CXXC4: variants seen among roughly 807,000 people sequenced by gnomAD.
CXXC4 encodes the protein CXXC finger protein 4, also known as CXXC-type zinc finger protein 4.
Under a neutral mutation model 20.5 loss-of-function variants are expected in CXXC4, and 5 were observed. The observed-to-expected ratio is 0.24, with a 90% confidence interval of 0.13 to 0.51. The LOEUF is 0.51. CXXC4 is among the 20% of genes least tolerant of loss of function. The pLI, the probability that CXXC4 is intolerant of heterozygous loss-of-function variation, is 0.97. For synonymous variants in CXXC4, 250 were observed against 216.4 expected (o/e 1.16, Z -1.36); for missense variants, 419 against 496.4 (o/e 0.84, Z 1.48).
At chr4:104,477,172 C>T (rs971893602) in intron 2 of CXXC4, among the ~76,000 whole-genome samples, 2 of 152,150 alleles carry the variant, frequency 1.3e-5, no homozygotes, top group African/African-American at 2.4e-5. Context: ...ATGGACCCCA[C>T]TGTTTGCCTT....
intron 2 of CXXC4, among the ~76,000 whole-genome samples, chr4:104,474,875 T>C (rs1736364146): frequency 6.6e-6 from 1 of 152,106 alleles, no homozygotes; most frequent in Admixed American, 6.6e-5. Context: ...TACTTTTAAA[T>C]CTCTTTTCCA....
Position 104,491,015 on chromosome 4 carries a change from G to A in CXXC4, c.788C>T (p.Ala263Val), listed in dbSNP as rs1736834553. Residue 263 changes from alanine (A) to valine (V), a missense_variant, in exon 2 of 3, where the codon GCC becomes GTC. Physicochemically the swap from Ala to Val is moderately conservative, Grantham distance 64. Around this residue, in one of 3 missense-constraint regions of CXXC4, gnomAD observed 388 missense variants for 416.0 expected, o/e 0.93. Coordinates refer to ENST00000394767, the MANE Select transcript of CXXC4 (RefSeq NM_025212.4). ...CGCACTGTCTGTGACGGCTGCTGAG[G>A]CTGCTGCGGGGGAGTGAAGGGCTGT... is the stretch of plus-strand genomic sequence containing the variant. ...VMTALHSPAA[A>V]SAAVTDSAFQ... The A allele has an allele frequency of 6.2e-7, 1 of 1,614,108 alleles. No homozygotes were observed. The highest frequency in any genetic ancestry group is 8.5e-7 in the Non-Finnish European group (1 of 1,180,024).
Position 104,491,422 on chromosome 4 carries a change from CCCGCCTCCG to C in CXXC4, c.372_380del (p.Gly132_Gly134del), listed in dbSNP as rs1280195589. ...TCCTGCCGCCCCCACCACCCCCGCC[CCCGCCTCCG>C]CCGCCGCCGCCGCCGCCGCCACCCC... On this transcript the variant is annotated inframe_deletion, in exon 2 of 3. Transcript: ENST00000394767. The C allele has an allele frequency of 5.8e-3, 5,678 of 982,198 alleles. 27 individuals carry two copies. Among genetic ancestry groups the C allele is most frequent in the Non-Finnish European group, 6.7e-3 (5,235 of 776,274 alleles). The allele number at this position is 982,198 out of a possible 1,614,324, so 60.8% of individuals were successfully genotyped here. A position where few individuals can be genotyped will look rare whatever the true frequency, so the allele number is the denominator to read the frequency against.
At chr4:104,490,595 C>T in intron 2 of CXXC4, 149 bp downstream of exon 2, 2 of 738,278 alleles carry the variant, frequency 2.7e-6, no homozygotes, top group Non-Finnish European at 4.5e-6. Flanking sequence ...GAGGCCAAGC[C>T]TTTCGCAAAC....
chr4:104,491,557 CGCGGCGGCCGCGGCGGCG>C lies in CXXC4; in HGVS notation c.228_245del (p.Ala77_Ala82del). 1 of 1,500,942 alleles carries C rather than the reference CGCGGCGGCCGCGGCGGCG, an allele frequency of 6.7e-7. No individual in the cohort carries two copies. The highest frequency in any genetic ancestry group is 8.9e-7 in the Non-Finnish European group (1 of 1,123,946). 93.0% of individuals were successfully genotyped at this position (1,500,942 alleles called of 1,614,324 possible). A position where few individuals can be genotyped will look rare whatever the true frequency, so the allele number is the denominator to read the frequency against. Reference sequence around the variant, plus strand: ...AGTTCCAGGGGGACATGCCGATGCGCGCGGCGGCCGCGGCGGCGGCGGCGCTGCTGGGGAAGATGGGGG... The same window carrying C: ...AGTTCCAGGGGGACATGCCGATGCGCGCGGCGCTGCTGGGGAAGATGGGGG... On this transcript the variant is annotated inframe_deletion, in exon 2 of 3. Coordinates refer to ENST00000394767, the MANE Select transcript of CXXC4 (RefSeq NM_025212.4).
chr4:104,472,305 TAA>T lies in CXXC4; in HGVS notation c.*15_*16del, dbSNP rs1379515940. On this transcript the variant is annotated 3_prime_UTR_variant, in exon 3 of 3. Transcript: ENST00000394767. ...CCTTCATTTCCAAATGCCTTGAAAA[TAA>T]GATATACTACTGCTTTAAAAGAACC... 1 of 1,569,916 alleles carries T rather than the reference TAA, an allele frequency of 6.4e-7. No homozygotes were observed. Among genetic ancestry groups the T allele is most frequent in the East Asian group, 2.3e-5 (1 of 43,902 alleles).
At chr4:104,482,443 T>C (rs937480056) in intron 2 of CXXC4, among the ~76,000 whole-genome samples, 36 of 152,170 alleles carry the variant, frequency 2.4e-4, no homozygotes, top group Non-Finnish European at 3.2e-4. Context: ...ACAAAATATT[T>C]CATGTTTAAT....
At position 104,472,153 on chromosome 4, in the gene CXXC4, CT is replaced by C. The variant is rs1221324173; in HGVS notation, c.*168del. 2 of 429,228 alleles carry C rather than the reference CT, an allele frequency of 4.7e-6. No homozygotes were observed. The highest frequency in any genetic ancestry group is 8.4e-6 in the Non-Finnish European group (2 of 238,916). The allele number at this position is 429,228 out of a possible 1,614,324, so 26.6% of individuals were successfully genotyped here. On this transcript the variant is annotated 3_prime_UTR_variant, in exon 3 of 3. Transcript: ENST00000394767. ...CCAAGCTCTCACATTATTTTTATGTCTTTTTCTTTTCTTTTCCTCTTTTTTT... is the reference window on the plus strand; with the variant it reads ...CCAAGCTCTCACATTATTTTTATGTCTTTTCTTTTCTTTTCCTCTTTTTTT...
chr4:104,479,018 A>G (rs986975931), intron 2 of CXXC4, among the ~76,000 whole-genome samples: 5 of 152,090 alleles, frequency 3.3e-5, no homozygotes, highest in African/African-American at 9.7e-5. Flanking sequence ...TGTGTGTATA[A>G]AAGTTCAACA....
chr4:104,486,110 CTTTAT>C (rs1208654116), intron 2 of CXXC4, among the ~76,000 whole-genome samples: 3 of 151,848 alleles, frequency 2.0e-5, no homozygotes, highest in Admixed American at 2.0e-4. Flanking sequence ...ATTTTAATTA[CTTTAT>C]TTTATTATTC....
intron 2 of CXXC4, among the ~76,000 whole-genome samples, chr4:104,477,032 T>G (rs1201610516): frequency 6.6e-6 from 1 of 152,148 alleles, no homozygotes. Context: ...CTCCTCGGCA[T>G]CTAAGGCCTT....
chr4:104,488,047 A>G (rs1032876885), intron 2 of CXXC4, among the ~76,000 whole-genome samples: 1 of 152,200 alleles, frequency 6.6e-6, no homozygotes, highest in South Asian at 2.1e-4. Context: ...GAAGAGTGGC[A>G]CATGAGTCTT....
At chr4:104,474,480 A>T (rs1736354381) in intron 2 of CXXC4, among the ~76,000 whole-genome samples, 1 of 152,026 alleles carries the variant, frequency 6.6e-6, no homozygotes, top group South Asian at 2.1e-4. Context: ...AATAAATGAA[A>T]ACTTAAAAGT....
chr4:104,472,332 C>T lies in CXXC4; in HGVS notation c.1094G>A (p.Trp365Ter). ...AGATATACTACTGCTTTAAAAGAAC[C>T]ATCGGAATGCTTCAGCGCTGGGAAC... ...TPVPSAEAFR[W>*]FF The change falls in exon 3 of 3, where the codon TGG becomes TAG. Residue 365 changes from tryptophan to a stop codon, truncating the protein, a stop_gained. Coordinates refer to ENST00000394767, the MANE Select transcript of CXXC4 (RefSeq NM_025212.4). LOFTEE classifies it high-confidence loss of function. 6.2e-7 allele frequency: 1 copy of T among 1,603,740 alleles called. No homozygotes were observed. Among genetic ancestry groups the T allele is most frequent in the Non-Finnish European group, 8.5e-7 (1 of 1,174,168 alleles).
chr4:104,475,574 T>G (rs1736381899), intron 2 of CXXC4, among the ~76,000 whole-genome samples: 1 of 152,174 alleles, frequency 6.6e-6, no homozygotes, highest in Admixed American at 6.5e-5. Flanking sequence ...AAGTTTGTAC[T>G]AATTTGAGGA....
chr4:104,476,169 T>G, intron 2 of CXXC4, among the ~76,000 whole-genome samples: 1 of 152,246 alleles, frequency 6.6e-6, no homozygotes, highest in East Asian at 1.9e-4. Flanking sequence ...TTTAAAAAAA[T>G]TTAAAATTTA....
chr4:104,493,800 T>C (rs555570354), intron 1 of CXXC4, among the ~76,000 whole-genome samples: 18 of 152,218 alleles, frequency 1.2e-4, no homozygotes, highest in Non-Finnish European at 2.2e-4. Context: ...AATATGCATA[T>C]AGCTTCAGTT....
Position 104,490,948 on chromosome 4 carries a change from G to A in CXXC4, c.855C>T (p.Ser285=), listed in dbSNP as rs781229081. 2.5e-6 allele frequency: 4 copies of A among 1,613,982 alleles called. No individual in the cohort carries two copies. Among genetic ancestry groups the A allele is most frequent in the South Asian group, 2.2e-5 (2 of 91,000 alleles). The change falls in exon 2 of 3, where the codon TCC becomes TCT. Residue 285 remains serine (S), a synonymous_variant. Transcript: ENST00000394767. ...ANLADCPQNH[S]SSSSSSSGGA... Reference sequence around the variant, plus strand: ...CCCCTGAGGAGGACGAGGAGGAGGAGGAATGATTCTGCGGGCAGTCTGCCA... The same window carrying A: ...CCCCTGAGGAGGACGAGGAGGAGGAAGAATGATTCTGCGGGCAGTCTGCCA...
At chr4:104,484,616 C>G (rs977942841) in intron 2 of CXXC4, among the ~76,000 whole-genome samples, 3 of 151,926 alleles carry the variant, frequency 2.0e-5, no homozygotes, top group African/African-American at 7.2e-5. Flanking sequence ...TCATACCTAG[C>G]TATGGATTCT....
Sources: gnomAD v4.1 joint callset for allele counts (sites outside exome capture counted in the v4.1 genomes callset) on GRCh38, gnomAD v4.1.1 for gene constraint, gnomAD v4.1.1 regional missense constraint, MANE v1.5 for transcripts, NCBI Gene and HGNC (gene_info 2026-07-23, HGNC 2026-07-21) for gene names.